Variants in ZNF221 observed in about 807,000 individuals in gnomAD.
ZNF221 encodes zinc finger protein 221.
In ZNF221, 10 loss-of-function variants were observed where a neutral mutation model predicts 12.6. That is an observed-to-expected ratio of 0.79 (90% CI 0.49 to 1.34). The LOEUF is 1.34. Among genes scored for constraint, ZNF221 ranks in the 40% most tolerant of loss-of-function variants. ZNF221 has a pLI of 0.00. For synonymous variants in ZNF221, 232 were observed against 244.0 expected (o/e 0.95, Z 0.46); for missense variants, 661 against 721.4 (o/e 0.92, Z 0.96).
At chr19:43,959,897 C>G (rs1471520524) in intron 1 of ZNF221, among the ~76,000 whole-genome samples, 7 of 152,058 alleles carry the variant, frequency 4.6e-5, no homozygotes, top group South Asian at 2.1e-4. Context: ...GAAAGTGGCT[C>G]TGGAACTGGC....
At chr19:43,954,617 C>T (rs1184994411) in intron 1 of ZNF221, among the ~76,000 whole-genome samples, 1 of 152,136 alleles carries the variant, frequency 6.6e-6, no homozygotes, top group East Asian at 1.9e-4. Flanking sequence ...GGGGTGAAGG[C>T]ACAACCCATC....
downstream of ZNF221, among the ~76,000 whole-genome samples, chr19:43,969,227 A>G (rs2147348795): frequency 6.6e-6 from 1 of 152,090 alleles, no homozygotes; most frequent in East Asian, 1.9e-4. Flanking sequence ...CAGTCTACTC[A>G]GCATTCCAGC....
chr19:43,981,144 T>A, the ZNF221 span, among the ~76,000 whole-genome samples: 10 of 152,080 alleles, frequency 6.6e-5, no homozygotes, highest in Admixed American at 6.5e-4. Flanking sequence ...TTGAACAATT[T>A]ACAAAAAGAA....
At chr19:43,965,688 T>A (rs930700156) in intron 4 of ZNF221, 116 bp from the exon 5 acceptor site, 2 of 974,584 alleles carry the variant, frequency 2.1e-6, no homozygotes, top group Non-Finnish European at 3.0e-6. Flanking sequence ...TCGGAAAACA[T>A]GAACTTAATG....
downstream of ZNF221, among the ~76,000 whole-genome samples, chr19:43,971,706 G>A (rs367358): frequency 2.0e-5 from 3 of 151,668 alleles, no homozygotes; most frequent in Admixed American, 6.6e-5. Context: ...AACAAGAAGA[G>A]CTAACTATTC....
At chr19:43,958,326 G>A (rs1974790448) in intron 1 of ZNF221, among the ~76,000 whole-genome samples, 1 of 152,122 alleles carries the variant, frequency 6.6e-6, no homozygotes, top group Non-Finnish European at 1.5e-5. Context: ...CCATGACCTG[G>A]GTAAGAAGCA....
chr19:43,955,157 A>G (rs941970801), intron 1 of ZNF221, among the ~76,000 whole-genome samples: 8 of 151,690 alleles, frequency 5.3e-5, no homozygotes, highest in Admixed American at 3.3e-4. Context: ...CTTCCACCAT[A>G]TAAGCAAAAC....
At chr19:43,973,596 A>G in the ZNF221 span, among the ~76,000 whole-genome samples, 1 of 152,194 alleles carries the variant, frequency 6.6e-6, no homozygotes, top group Non-Finnish European at 1.5e-5. Context: ...TAGCATTCCT[A>G]TAAACCAACG....
chr19:43,970,010 A>G (rs1337306576), downstream of ZNF221, among the ~76,000 whole-genome samples: 1 of 152,196 alleles, frequency 6.6e-6, no homozygotes, highest in African/African-American at 2.4e-5. Context: ...AGGAGTCTTC[A>G]GGCCAGAAAC....
At chr19:43,959,074 G>C (rs1974803666) in intron 1 of ZNF221, among the ~76,000 whole-genome samples, 1 of 151,286 alleles carries the variant, frequency 6.6e-6, no homozygotes, top group Non-Finnish European at 1.5e-5. Flanking sequence ...ATCTGTAATT[G>C]TTTCATAGTG....
chr19:43,965,449 C>A, intron 4 of ZNF221, 124 bp downstream of exon 4: 1 of 763,594 alleles, frequency 1.3e-6, no homozygotes, highest in South Asian at 2.7e-5. Context: ...TTGCAACTGC[C>A]TTCCTTCTTT....
At position 43,967,116 on chromosome 19, in the gene ZNF221, G is replaced by A. The variant is rs1397706472; in HGVS notation, c.1614G>A (p.Gln538=). The change falls in exon 5 of 5, where the codon CAG becomes CAA. Residue 538 remains glutamine, a synonymous_variant. Transcript: ENST00000587682. ...HTGEKLYKCE[Q]CEKGYNSKFN... ...GAGAAAAGCTATACAAATGTGAGCA[G>A]TGTGAGAAGGGGTACAACAGTAAAT... 1 of 1,595,486 alleles carries A rather than the reference G, an allele frequency of 6.3e-7. No homozygotes were observed. The highest frequency in any genetic ancestry group is 8.6e-7 in the Non-Finnish European group (1 of 1,168,230).
downstream of ZNF221, among the ~76,000 whole-genome samples, chr19:43,970,121 A>C (rs1975065373): frequency 6.6e-6 from 1 of 152,116 alleles, no homozygotes; most frequent in African/African-American, 2.4e-5. Flanking sequence ...GTACGGGAAA[A>C]ACGGAGGCAA....
intron 1 of ZNF221, among the ~76,000 whole-genome samples, chr19:43,953,496 C>T (rs1478822494): frequency 2.0e-5 from 3 of 152,112 alleles, no homozygotes; most frequent in Admixed American, 6.6e-5. Flanking sequence ...CCATTGGCCA[C>T]TGGTGATCAG....
chr19:43,966,812 G>A lies in ZNF221; in HGVS notation c.1310G>A (p.Arg437Gln), dbSNP rs150842365. 5.7e-4 allele frequency: 924 copies of A among 1,614,152 alleles called. 2 individuals carry two copies. The highest frequency in any genetic ancestry group is 1.1e-3 in the Admixed American group (68 of 60,020). Residue 437 changes from arginine to glutamine, a missense_variant, in exon 5 of 5, where the codon CGA becomes CAA. By Grantham distance (43) the Arg-to-Gln change is conservative. Transcript: ENST00000587682. The stretch of plus-strand genomic sequence containing the variant: ...AAGGGATTTTATACAAATTCACGAC[G>A]ATCTTCCCATCAGAGATCCCACAAT... ...CGKGFYTNSRRSSHQRSHNGE... is the reference protein window; with the variant it reads ...CGKGFYTNSRQSSHQRSHNGE...
chr19:43,965,082 G>GC lies in ZNF221; in HGVS notation c.208+6_208+7insC. ...CAGGAACCTGCTCTCAGTAGGTGAG[G>GC]ACAGGCACCCTCTGTAACAGAATGT... On this transcript the variant is annotated splice_region_variant and intron_variant, in intron 3 of 4. Transcript: ENST00000587682. The GC allele has an allele frequency of 6.2e-7, 1 of 1,613,974 alleles. No homozygotes were observed.
In ZNF221 at chr19:43,966,145, A is replaced by G; in HGVS notation, c.643A>G (p.Ile215Val). The change falls in exon 5 of 5, where the codon ATT (isoleucine) becomes GTT (valine). Residue 215 changes from isoleucine to valine, a missense_variant. Ile to Val is a conservative substitution (Grantham distance 29). Coordinates refer to ENST00000587682, the MANE Select transcript of ZNF221 (RefSeq NM_001297588.2). The stretch of plus-strand genomic sequence containing the variant: ...CTTCTGTTACAGCCCAGCCCTTCAT[A>G]TTCATCAGAGAGTCCATATGGGAGA... ...KSFCYSPALH[I>V]HQRVHMGEKC... 1.9e-6 allele frequency: 3 copies of G among 1,614,224 alleles called. No homozygotes were observed. Among genetic ancestry groups the G allele is most frequent in the Non-Finnish European group, 2.5e-6 (3 of 1,180,050 alleles).
chr19:43,975,673 C>T, the ZNF221 span, among the ~76,000 whole-genome samples: 1 of 152,172 alleles, frequency 6.6e-6, no homozygotes, highest in African/African-American at 2.4e-5. Context: ...ACATCCTGCA[C>T]ATGTACCCCT....
chr19:43,951,646 T>G (rs1974672156), intron 1 of ZNF221, among the ~76,000 whole-genome samples: 1 of 152,152 alleles, frequency 6.6e-6, no homozygotes, highest in African/African-American at 2.4e-5. Context: ...ATGGGGGATA[T>G]TAAGACCTTC....
Sources: gnomAD v4.1 joint callset for allele counts (sites outside exome capture counted in the v4.1 genomes callset) on GRCh38, gnomAD v4.1.1 for gene constraint, MANE v1.5 for transcripts, NCBI Gene and HGNC (gene_info 2026-07-23, HGNC 2026-07-21) for gene names.